The following USH2A variants were observed in gnomAD, a reference collection of about 807,000 sequenced individuals.
The protein encoded by USH2A is Usher syndrome 2A (autosomal recessive, mild).
A neutral mutation model predicts 538.9 loss-of-function variants in USH2A; 443 were observed. That is an observed-to-expected ratio of 0.82 (90% CI 0.76 to 0.89). The LOEUF (loss-of-function observed/expected upper bound fraction) is 0.89, where lower values mean the gene tolerates loss of function less well. Among genes scored for constraint, USH2A ranks in the 40% least tolerant of loss-of-function variants. The pLI is 0.00. For synonymous variants in USH2A, 2,413 were observed against 2,273.5 expected (o/e 1.06, Z -1.75); for missense variants, 6,633 against 6,324.8 (o/e 1.05, Z -1.65).
chr1:216,102,338 T>A (rs1440311785), intron 21 of USH2A, among the ~76,000 whole-genome samples: 1 of 150,426 alleles, frequency 6.6e-6, no homozygotes, highest in Non-Finnish European at 1.5e-5. Context: ...TGTGTGTATG[T>A]ACACATACAC....
At chr1:216,340,609 A>T (rs940540542) in intron 4 of USH2A, among the ~76,000 whole-genome samples, 16 of 152,172 alleles carry the variant, frequency 1.1e-4, no homozygotes, top group Middle Eastern at 3.4e-3. Context: ...CCTCAATAAA[A>T]TACTGACAAA....
chr1:215,664,176 T>C (rs1000257840), intron 64 of USH2A, among the ~76,000 whole-genome samples: 8 of 152,234 alleles, frequency 5.3e-5, no homozygotes, highest in African/African-American at 1.9e-4. Context: ...GAAATAGTCA[T>C]GACAACTTTT....
At position 216,296,366 on chromosome 1, in the gene USH2A, C is replaced by T. The variant is rs375898391; in HGVS notation, c.1645-3996G>A. On this transcript the variant is annotated intron_variant, in intron 9 of 71. Transcript: ENST00000307340. The stretch of plus-strand genomic sequence containing the variant: ...CAAACCTTTAGGCTAAGGTAGTTGT[C>T]CCGCTTCTCATCTCTCAGAGTACTC... Among the ~76,000 whole-genome samples, 126 of 152,066 alleles carry T rather than the reference C, an allele frequency of 8.3e-4. 3 individuals carry two copies. Among genetic ancestry groups the T allele is most frequent in the African/African-American group, 2.9e-3 (119 of 41,542 alleles).
At chr1:216,324,468 T>A in intron 6 of USH2A, 116 bp from the exon 7 acceptor site, 1 of 998,334 alleles carries the variant, frequency 1.0e-6, no homozygotes, top group Non-Finnish European at 1.5e-6. Flanking sequence ...TAATTATAGT[T>A]ATCAAATATG....
At chr1:216,211,568 T>C (rs187657621) in intron 15 of USH2A, among the ~76,000 whole-genome samples, 1 of 152,332 alleles carries the variant, frequency 6.6e-6, no homozygotes, top group African/African-American at 2.4e-5. Context: ...CTAAGGCAGA[T>C]AATATTTACA....
intron 37 of USH2A, among the ~76,000 whole-genome samples, chr1:215,954,580 G>C (rs1012575206): frequency 1.9e-5 from 2 of 106,158 alleles, no homozygotes; most frequent in Non-Finnish European, 3.6e-5. Context: ...GGGGGGAGGG[G>C]GGAGGGATAG....
chr1:216,403,025 G>A (rs2039334663), intron 3 of USH2A, among the ~76,000 whole-genome samples: 1 of 152,160 alleles, frequency 6.6e-6, no homozygotes, highest in South Asian at 2.1e-4. Context: ...AGAAAGAAGA[G>A]CAAATCAATT....
intron 62 of USH2A, among the ~76,000 whole-genome samples, chr1:215,676,750 G>A (rs1658042673): frequency 6.6e-6 from 1 of 151,814 alleles, no homozygotes; most frequent in South Asian, 2.1e-4. Flanking sequence ...AGGGAGCATA[G>A]GTTCCATAAC....
chr1:215,636,520 C>T (rs748368265), intron 69 of USH2A, among the ~76,000 whole-genome samples: 2 of 152,192 alleles, frequency 1.3e-5, no homozygotes, highest in Non-Finnish European at 2.9e-5. Context: ...AACAAACCAG[C>T]CTAGGTTGCA....
chr1:215,787,032 T>C (rs1006292191), intron 51 of USH2A, among the ~76,000 whole-genome samples, 158 bp from the exon 52 acceptor site: 6 of 152,226 alleles, frequency 3.9e-5, no homozygotes, highest in African/African-American at 1.2e-4. Context: ...AGGCAGTTTG[T>C]ATACTAGGAA....
intron 35 of USH2A, among the ~76,000 whole-genome samples, chr1:215,976,031 C>T (rs1017643745): frequency 6.6e-6 from 1 of 152,066 alleles, no homozygotes; most frequent in African/African-American, 2.4e-5. Context: ...CATCTTTCAC[C>T]TTCTTGGATG....
At chr1:216,007,111 G>A (rs1049728921) in intron 32 of USH2A, among the ~76,000 whole-genome samples, 7 of 152,060 alleles carry the variant, frequency 4.6e-5, no homozygotes, top group African/African-American at 1.7e-4. Flanking sequence ...TCTCATTTCT[G>A]TCTTGTGTGC....
chr1:215,864,152 G>A (rs1664405518), intron 44 of USH2A, among the ~76,000 whole-genome samples: 1 of 152,112 alleles, frequency 6.6e-6, no homozygotes, highest in Non-Finnish European at 1.5e-5. Context: ...AAGATGAGAA[G>A]GATCCTTTTA....
chr1:216,193,992 A>G (rs2034779212), intron 19 of USH2A: 2 of 152,132 alleles, frequency 1.3e-5, no homozygotes, highest in Admixed American at 1.3e-4. Context: ...CTATTGCATC[A>G]CAGTTCAGCT....
chr1:216,222,307 C>T (rs1045611419), intron 14 of USH2A, among the ~76,000 whole-genome samples: 2 of 152,138 alleles, frequency 1.3e-5, no homozygotes, highest in Non-Finnish European at 2.9e-5. Flanking sequence ...AAAGCAACCA[C>T]AGAAAATATG....
At chr1:215,918,039 G>A (rs944875533) in intron 38 of USH2A, among the ~76,000 whole-genome samples, 1 of 151,834 alleles carries the variant, frequency 6.6e-6, no homozygotes, top group Non-Finnish European at 1.5e-5. Flanking sequence ...TTCCTCTATG[G>A]TGCCATTGAA....
At chr1:215,720,767 CAG>C (rs1399996031) in intron 61 of USH2A, among the ~76,000 whole-genome samples, 1 of 152,034 alleles carries the variant, frequency 6.6e-6, no homozygotes, top group Non-Finnish European at 1.5e-5. Flanking sequence ...AGAAATTAGC[CAG>C]AGAGTGTATT....
intron 21 of USH2A, among the ~76,000 whole-genome samples, chr1:216,161,341 T>C (rs944467011): frequency 6.6e-6 from 1 of 152,082 alleles, no homozygotes; most frequent in African/African-American, 2.4e-5. Flanking sequence ...TACATTAATT[T>C]TCTAAATCAT....
At chr1:216,348,052 A>C (rs2038213282) in intron 4 of USH2A, among the ~76,000 whole-genome samples, 1 of 152,168 alleles carries the variant, frequency 6.6e-6, no homozygotes. Context: ...TATCAGAGCC[A>C]AGGCAACTTT....
Sources: gnomAD v4.1 joint callset for allele counts (sites outside exome capture counted in the v4.1 genomes callset) on GRCh38, gnomAD v4.1.1 for gene constraint, MANE v1.5 for transcripts, NCBI Gene and HGNC (gene_info 2026-07-23, HGNC 2026-07-21) for gene names.